The following CCDC171 variants were observed in gnomAD, a reference collection of about 807,000 sequenced individuals.
CCDC171 encodes the protein coiled-coil domain containing 171.
Under a neutral mutation model 168.2 loss-of-function variants are expected in CCDC171, and 177 were observed. That is an observed-to-expected ratio of 1.05 (90% CI 0.93 to 1.19). The LOEUF is 1.19. Ranked by LOEUF, CCDC171 falls within the 50% of genes most tolerant of loss-of-function variation. The pLI is 0.00. For synonymous variants in CCDC171, 687 were observed against 540.8 expected, an observed-to-expected ratio of 1.27 and a Z score of -3.75; for missense variants, 1,991 against 1,539.0, an observed-to-expected ratio of 1.29 and a Z score of -4.91.
At chr9:15,845,068 A>G (rs1206004232) in intron 21 of CCDC171, among the ~76,000 whole-genome samples, 1 of 152,106 alleles carries the variant, frequency 6.6e-6, no homozygotes, top group Admixed American at 6.6e-5. Context: ...TGATCTTCAT[A>G]TTTGAAAAAT....
chr9:15,938,933 A>AT (rs35552265), intron 25 of CCDC171, among the ~76,000 whole-genome samples: 2 of 151,636 alleles, frequency 1.3e-5, no homozygotes, highest in Non-Finnish European at 3.0e-5. Context: ...ATTTTATTTA[A>AT]TTTTTTCATG....
chr9:15,998,519 A>G (rs1437372522), intron 3 of CCDC171, among the ~76,000 whole-genome samples: 4 of 152,200 alleles, frequency 2.6e-5, no homozygotes, highest in South Asian at 2.1e-4. Flanking sequence ...CAGATTGTCT[A>G]TTCCTTTGAG....
intron 5 of CCDC171, among the ~76,000 whole-genome samples, chr9:15,592,370 A>G (rs1009823507): frequency 2.0e-5 from 3 of 150,690 alleles, no homozygotes; most frequent in Non-Finnish European, 4.4e-5. Flanking sequence ...CAAAACAAAG[A>G]AAAAAAAACG....
At chr9:15,661,431 A>T (rs2048316653) in intron 8 of CCDC171, among the ~76,000 whole-genome samples, 1 of 152,158 alleles carries the variant, frequency 6.6e-6, no homozygotes, top group African/African-American at 2.4e-5. Context: ...AATTACTATA[A>T]ATAAGAAAAT....
chr9:15,927,069 G>A (rs1825975269), intron 25 of CCDC171, among the ~76,000 whole-genome samples: 1 of 151,628 alleles, frequency 6.6e-6, no homozygotes, highest in African/African-American at 2.4e-5. Flanking sequence ...TCATGTCATT[G>A]TAATGCATAT....
At chr9:16,073,448 T>A in the CCDC171 span, among the ~76,000 whole-genome samples, 1 of 152,192 alleles carries the variant, frequency 6.6e-6, no homozygotes, top group African/African-American at 2.4e-5. Flanking sequence ...GGATGTAAAA[T>A]CTTCTCTTAT....
chr9:16,103,409 T>A, the CCDC171 span, among the ~76,000 whole-genome samples: 5 of 152,156 alleles, frequency 3.3e-5, no homozygotes, highest in Non-Finnish European at 7.4e-5. Context: ...CTCACTGCCA[T>A]CTGTAAGGGG....
At chr9:15,877,847 A>G (rs1020890171) in intron 24 of CCDC171, among the ~76,000 whole-genome samples, 1 of 152,162 alleles carries the variant, frequency 6.6e-6, no homozygotes, top group South Asian at 2.1e-4. Flanking sequence ...GATATGTACT[A>G]TTGGTAATAA....
the CCDC171 span, among the ~76,000 whole-genome samples, chr9:16,080,734 C>T: frequency 2.6e-5 from 4 of 152,186 alleles, no homozygotes; most frequent in Non-Finnish European, 5.9e-5. Context: ...ACATCTTTGT[C>T]TCTGCGCCCC....
chr9:16,054,932 T>C (rs773877986), intron 1 of CCDC171, among the ~76,000 whole-genome samples: 6 of 152,148 alleles, frequency 3.9e-5, no homozygotes, highest in Non-Finnish European at 8.8e-5. Flanking sequence ...GGAACTACCT[T>C]GGTGAGAACT....
In CCDC171 at chr9:15,724,910, G is replaced by T. The variant is rs2053699175; in HGVS notation, c.1626G>T (p.Lys542Asn). ...QNVLHCWEKEKAQAAQSESEL... is the reference protein window; with the variant it reads ...QNVLHCWEKENAQAAQSESEL... ...TGCTGCACTGTTGGGAGAAAGAAAAGGCTCAGGCAGCCCAGTCTGAAAGTG... is the reference window on the plus strand; with the variant it reads ...TGCTGCACTGTTGGGAGAAAGAAAATGCTCAGGCAGCCCAGTCTGAAAGTG... The change falls in exon 14 of 26, where the codon AAG (lysine) becomes AAT (asparagine). Residue 542 changes from lysine (K) to asparagine (N), a missense_variant. Lys to Asn is a moderately conservative substitution (Grantham distance 94, BLOSUM62 0). Coordinates refer to ENST00000380701, the MANE Select transcript of CCDC171 (RefSeq NM_173550.4). 1.2e-6 allele frequency: 2 copies of T among 1,613,972 alleles called. No individual in the cohort carries two copies. The highest frequency in any genetic ancestry group is 1.7e-6 in the Non-Finnish European group (2 of 1,179,918).
chr9:15,709,835 G>T (rs1038809614), intron 11 of CCDC171, among the ~76,000 whole-genome samples: 7 of 152,060 alleles, frequency 4.6e-5, no homozygotes, highest in African/African-American at 1.7e-4. Context: ...GTAATTAATT[G>T]CATATCTTTT....
intron 24 of CCDC171, among the ~76,000 whole-genome samples, chr9:15,904,839 A>G (rs1392895791): frequency 6.6e-6 from 1 of 151,832 alleles, no homozygotes; most frequent in Non-Finnish European, 1.5e-5. Context: ...CTACCAAGCA[A>G]ATGGAAAACA....
At chr9:15,672,525 T>C (rs2049195538) in intron 9 of CCDC171, among the ~76,000 whole-genome samples, 1 of 152,216 alleles carries the variant, frequency 6.6e-6, no homozygotes, top group Non-Finnish European at 1.5e-5. Flanking sequence ...AGTTAATTTT[T>C]GTATAAGGTG....
At chr9:15,991,085 A>G (rs934624594) in intron 3 of CCDC171, among the ~76,000 whole-genome samples, 3 of 152,202 alleles carry the variant, frequency 2.0e-5, no homozygotes, top group Non-Finnish European at 4.4e-5. Context: ...CCTAATAGAT[A>G]TCTACAGAAC....
At chr9:15,683,520 C>T (rs1443161198) in intron 10 of CCDC171, among the ~76,000 whole-genome samples, 5 of 151,970 alleles carry the variant, frequency 3.3e-5, no homozygotes, top group Non-Finnish European at 7.4e-5. Flanking sequence ...AGTATTTATA[C>T]ATGGGCATTG....
At chr9:15,735,918 A>G (rs2054464738) in intron 16 of CCDC171, among the ~76,000 whole-genome samples, 1 of 152,186 alleles carries the variant, frequency 6.6e-6, no homozygotes, top group African/African-American at 2.4e-5. Flanking sequence ...TTTGTTAATT[A>G]TAATATTAGC....
chr9:15,975,299 C>G (rs891607867), downstream of CCDC171, among the ~76,000 whole-genome samples: 15 of 152,202 alleles, frequency 9.9e-5, no homozygotes, highest in South Asian at 2.7e-3. Flanking sequence ...CCTAGAGCTG[C>G]AATTCCAAAG....
At chr9:15,661,141 G>A (rs1019370339) in intron 8 of CCDC171, among the ~76,000 whole-genome samples, 7 of 152,070 alleles carry the variant, frequency 4.6e-5, no homozygotes, top group African/African-American at 1.2e-4. Flanking sequence ...TTAGCCGGGC[G>A]TCGTGGCGGG....
Sources: allele counts gnomAD v4.1 joint callset (sites outside exome capture counted in the v4.1 genomes callset), GRCh38; gene constraint gnomAD v4.1.1; transcripts MANE v1.5; gene names NCBI Gene and HGNC (gene_info 2026-07-23, HGNC 2026-07-21).